Variants in PCDHA1 observed in about 807,000 individuals in gnomAD.
PCDHA1 encodes the protein protocadherin alpha 1.
Under a neutral mutation model 61.3 loss-of-function variants are expected in PCDHA1, and 42 were observed. That is an observed-to-expected ratio of 0.69 (90% CI 0.54 to 0.89). The LOEUF is 0.89. Among genes scored for constraint, PCDHA1 ranks in the 40% least tolerant of loss-of-function variants. The pLI is 0.00. For synonymous variants in PCDHA1, 610 were observed against 553.8 expected (o/e 1.10, Z -1.43); for missense variants, 1,256 against 1,235.3 (o/e 1.02, Z -0.25).
rs199847007 is a variant in PCDHA1, at chr5:140,883,896, C to A, written c.2395-95053C>A. ...GTGAGCGCGCGCGACTCTGGCGTGC[C>A]GCCTCTGGGCAGCAACGTGACGCTG... On this transcript the variant is annotated intron_variant, in intron 1 of 3. Transcript: ENST00000504120. The A allele has an allele frequency of 3.1e-6, 5 of 1,613,386 alleles. 1 individual carries two copies. In the South Asian group the frequency reaches 4.4e-5, roughly 14 times the overall value.
Position 140,822,688 on chromosome 5 carries a change from G to C in PCDHA1, c.2394+34004G>C. 3.1e-6 allele frequency: 5 copies of C among 1,609,258 alleles called. No individual in the cohort carries two copies. In the South Asian group the frequency reaches 3.3e-5, roughly 11 times the overall value. ...TAATACTGGTGAAATAAAAGTTAAC[G>C]GGGAACTGGATTATGAAGACTATAA... On this transcript the variant is annotated intron_variant, in intron 1 of 3. Coordinates refer to ENST00000504120, the MANE Select transcript of PCDHA1 (RefSeq NM_018900.4).
Position 140,786,371 on chromosome 5 carries a change from G to A in PCDHA1, c.81G>A (p.Gly27=). The A allele has an allele frequency of 6.2e-7, 1 of 1,613,848 alleles. No homozygotes were observed. The highest frequency in any genetic ancestry group is 8.5e-7 in the Non-Finnish European group (1 of 1,180,040). The change falls in exon 1 of 4, where the codon GGG becomes GGA. Residue 27 remains glycine, a synonymous_variant. Coordinates refer to ENST00000504120, the MANE Select transcript of PCDHA1 (RefSeq NM_018900.4). ...TGCTCCTCGCAGCCTGGGAGGTGGG[G>A]AGCGGCCAGCTCCACTACTCGATCC... ...WLLLLAAWEV[G]SGQLHYSIPE...
At chr5:140,826,255 T>A (rs1554130509) in intron 1 of PCDHA1, among the ~76,000 whole-genome samples, 2 of 152,222 alleles carry the variant, frequency 1.3e-5, no homozygotes, top group African/African-American at 4.8e-5. Flanking sequence ...TCTTTATATA[T>A]CAAGTCTTTA....
chr5:140,876,841 CA>C, intron 1 of PCDHA1: 1 of 1,614,130 alleles, frequency 6.2e-7, no homozygotes, highest in South Asian at 1.1e-5. Flanking sequence ...TGCGTTCGCG[CA>C]GCCCGAGTAC....
intron 1 of PCDHA1, among the ~76,000 whole-genome samples, chr5:140,819,034 C>G (rs1766478495): frequency 6.6e-6 from 1 of 152,116 alleles, no homozygotes; most frequent in African/African-American, 2.4e-5. Context: ...AGCACATTCC[C>G]TTATAGGGCA....
At chr5:140,903,166 T>C (rs758397398) in intron 1 of PCDHA1, among the ~76,000 whole-genome samples, 34 of 152,226 alleles carry the variant, frequency 2.2e-4, no homozygotes, top group Non-Finnish European at 2.5e-4. Context: ...TGTGCTGGTT[T>C]ACATTCCCAC....
chr5:140,807,595 AC>A, intron 1 of PCDHA1: 1 of 1,614,194 alleles, frequency 6.2e-7, no homozygotes, highest in Non-Finnish European at 8.5e-7. Context: ...TCCCAGCAAC[AC>A]AAAAGAACCT....
intron 1 of PCDHA1, among the ~76,000 whole-genome samples, chr5:140,911,436 C>T (rs369054235): frequency 6.1e-4 from 93 of 152,242 alleles, no homozygotes; most frequent in South Asian, 2.9e-3. Context: ...TCCAATTTCC[C>T]GCAATTTCAG....
chr5:140,871,534 T>G, intron 1 of PCDHA1: 1 of 1,514,416 alleles, frequency 6.6e-7, no homozygotes, highest in Non-Finnish European at 8.9e-7. Context: ...GAAGTGTATG[T>G]GAAATTATTT....
At chr5:140,989,527 G>A (rs1172019994) in intron 3 of PCDHA1, among the ~76,000 whole-genome samples, 1 of 152,192 alleles carries the variant, frequency 6.6e-6, no homozygotes, top group Non-Finnish European at 1.5e-5. Flanking sequence ...GGGCAGAGGA[G>A]GAAGATAGTT....
At chr5:140,983,104 T>C (rs907787884) in intron 3 of PCDHA1, among the ~76,000 whole-genome samples, 3 of 152,234 alleles carry the variant, frequency 2.0e-5, no homozygotes, top group Admixed American at 1.3e-4. Flanking sequence ...TGCTTCTCTC[T>C]GCACATCAAC....
intron 1 of PCDHA1, chr5:140,851,591 T>C: frequency 1.1e-6 from 1 of 917,932 alleles, no homozygotes. Context: ...TTTTTTGAAA[T>C]TCAGTTTACA....
At chr5:140,804,624 C>T (rs1763423636) in intron 1 of PCDHA1, 1 of 153,174 alleles carries the variant, frequency 6.5e-6, no homozygotes, top group African/African-American at 2.4e-5. Context: ...TGGTTAACTT[C>T]TCTGAATAGC....
intron 1 of PCDHA1, among the ~76,000 whole-genome samples, chr5:140,893,478 C>T (rs1365540423): frequency 2.6e-5 from 4 of 151,996 alleles, no homozygotes; most frequent in African/African-American, 9.7e-5. Flanking sequence ...CATAGCAAGA[C>T]CCTGTTCTTC....
intron 1 of PCDHA1, chr5:140,823,332 G>A: frequency 6.2e-7 from 1 of 1,612,144 alleles, no homozygotes; most frequent in Non-Finnish European, 8.5e-7. Context: ...TGTACGCGCT[G>A]CAGCCGCTGG....
chr5:140,996,312 G>A (rs1397001765), intron 3 of PCDHA1, among the ~76,000 whole-genome samples: 2 of 152,186 alleles, frequency 1.3e-5, no homozygotes, highest in African/African-American at 2.4e-5. Flanking sequence ...CAAAGTAAGG[G>A]GGGAGGGTAG....
chr5:140,863,542 C>T, intron 1 of PCDHA1: 3 of 384,090 alleles, frequency 7.8e-6, no homozygotes, highest in South Asian at 6.2e-5. Context: ...TGGAGATGGA[C>T]TTCAATAGGA....
chr5:140,950,855 T>C (rs2094525829), intron 1 of PCDHA1, among the ~76,000 whole-genome samples: 2 of 152,102 alleles, frequency 1.3e-5, no homozygotes, highest in African/African-American at 4.8e-5. Context: ...TTCTTTCATA[T>C]TCTTGTATAT....
At position 140,843,028 on chromosome 5, in the gene PCDHA1, G is replaced by A. The variant is rs2150350487; in HGVS notation, c.2394+54344G>A. 21 of 1,595,152 alleles carry A rather than the reference G, an allele frequency of 1.3e-5. 1 individual carries two copies. Among genetic ancestry groups the A allele is most frequent in the Non-Finnish European group, 1.7e-5 (20 of 1,165,462 alleles). ...ACGCGCCGGCACTGCTGGAGCCTCG[G>A]GTGGGTGGCACTGGTGGCGCAGCGA... On this transcript the variant is annotated intron_variant, in intron 1 of 3. Transcript: ENST00000504120.
Sources: gnomAD v4.1 joint callset for allele counts (sites outside exome capture counted in the v4.1 genomes callset) on GRCh38, gnomAD v4.1.1 for gene constraint, MANE v1.5 for transcripts, NCBI Gene and HGNC (gene_info 2026-07-23, HGNC 2026-07-21) for gene names.